Variants in RBFOX1 observed in about 807,000 individuals in gnomAD.
RBFOX1 encodes RNA binding protein fox-1 homolog 1.
In RBFOX1, 8 loss-of-function variants were observed where a neutral mutation model predicts 57.7. The ratio of observed to expected loss-of-function variants is 0.14; its 90% CI spans 0.08 to 0.25. RBFOX1 has a LOEUF of 0.25. RBFOX1 is among the 10% of genes least tolerant of loss of function. The pLI, the probability that RBFOX1 is intolerant of heterozygous loss-of-function variation, is 1.00. For synonymous variants in RBFOX1, 326 were observed against 222.4 expected, an observed-to-expected ratio of 1.47 and a Z score of -4.15; for missense variants, 611 against 548.5, an observed-to-expected ratio of 1.11 and a Z score of -1.14.
At chr16:5,951,827 T>C (rs1427741468) in intron 4 of RBFOX1, among the ~76,000 whole-genome samples, 1 of 151,972 alleles carries the variant, frequency 6.6e-6, no homozygotes, top group African/African-American at 2.4e-5. Flanking sequence ...TTCTGGATTT[T>C]GCATTTTCCA....
chr16:6,513,418 C>T (rs1055818389), intron 2 of RBFOX1, among the ~76,000 whole-genome samples: 2 of 152,118 alleles, frequency 1.3e-5, no homozygotes, highest in Admixed American at 1.3e-4. Flanking sequence ...GCACATTGGA[C>T]TCATGACTCT....
intron 1 of RBFOX1, among the ~76,000 whole-genome samples, chr16:5,285,211 C>A (rs374754835): frequency 3.9e-5 from 6 of 152,174 alleles, no homozygotes; most frequent in Non-Finnish European, 4.4e-5. Context: ...TTCAGAAATT[C>A]TTTGTTTTGC....
chr16:7,146,580 G>A (rs914455167), intron 4 of RBFOX1, among the ~76,000 whole-genome samples: 2 of 152,068 alleles, frequency 1.3e-5, no homozygotes, highest in Non-Finnish European at 2.9e-5. Context: ...TTGAAACAAA[G>A]CAAGAAGAAT....
chr16:7,292,514 A>G (rs144557961), intron 4 of RBFOX1, among the ~76,000 whole-genome samples: 24 of 118,994 alleles, frequency 2.0e-4, no homozygotes, highest in Non-Finnish European at 3.5e-4. Context: ...TATAAAATAT[A>G]TATAATACTA....
At position 6,417,898 on chromosome 16, in the gene RBFOX1, C is replaced by T. The variant is rs147002578; in HGVS notation, c.-64+100841C>T. 5.3e-5 allele frequency among the ~76,000 whole-genome samples: 8 copies of T among 152,078 alleles called. No individual in the cohort carries two copies. In the East Asian group the frequency reaches 1.5e-3, roughly 29 times the overall value. On this transcript the variant is annotated intron_variant, in intron 2 of 15. Transcript: ENST00000550418. Reference sequence around the variant, plus strand: ...AGAAAGCAAAAGACAGAACTTTCTTCTGAGAAAGGATGTATGTTTTCCCTT... The same window carrying T: ...AGAAAGCAAAAGACAGAACTTTCTTTTGAGAAAGGATGTATGTTTTCCCTT...
At chr16:7,642,302 C>G (rs1435850779) in intron 11 of RBFOX1, among the ~76,000 whole-genome samples, 3 of 152,128 alleles carry the variant, frequency 2.0e-5, no homozygotes, top group African/African-American at 7.2e-5. Context: ...GGGCATTGAT[C>G]AAAGGATCAG....
At chr16:7,599,376 A>T (rs1378722634) in intron 9 of RBFOX1, among the ~76,000 whole-genome samples, 1 of 152,252 alleles carries the variant, frequency 6.6e-6, no homozygotes, top group Non-Finnish European at 1.5e-5. Flanking sequence ...CAAATATTTC[A>T]TAAGCCATGT....
chr16:6,663,867 A>C (rs2098716129), intron 3 of RBFOX1, among the ~76,000 whole-genome samples: 1 of 152,200 alleles, frequency 6.6e-6, no homozygotes, highest in Admixed American at 6.5e-5. Context: ...TGAGCATGGC[A>C]TGACTAAGGA....
At chr16:7,362,320 GTATGTTT>G (rs2097341975) in intron 4 of RBFOX1, among the ~76,000 whole-genome samples, 1 of 151,272 alleles carries the variant, frequency 6.6e-6, no homozygotes, top group Non-Finnish European at 1.5e-5. Flanking sequence ...GTGTGTGTGT[GTATGTTT>G]TGTGTGTATG....
intron 4 of RBFOX1, among the ~76,000 whole-genome samples, chr16:7,376,819 A>G (rs919442805): frequency 6.6e-6 from 1 of 152,172 alleles, no homozygotes; most frequent in Non-Finnish European, 1.5e-5. Flanking sequence ...AGAGATGGGG[A>G]GAATTCAGAG....
At chr16:5,495,927 G>A (rs1013397154) in intron 2 of RBFOX1, among the ~76,000 whole-genome samples, 3 of 152,102 alleles carry the variant, frequency 2.0e-5, no homozygotes, top group East Asian at 1.9e-4. Flanking sequence ...GGAGTTTGAG[G>A]CCATCCTGGC....
intron 2 of RBFOX1, among the ~76,000 whole-genome samples, chr16:5,531,852 A>G (rs2044491006): frequency 6.7e-6 from 1 of 149,826 alleles, no homozygotes; most frequent in African/African-American, 2.5e-5. Context: ...CCCAGGCTGA[A>G]GTGCAGTGGT....
At chr16:5,836,673 T>G (rs1457479978) in intron 3 of RBFOX1, among the ~76,000 whole-genome samples, 4 of 152,130 alleles carry the variant, frequency 2.6e-5, no homozygotes, top group Admixed American at 2.0e-4. Flanking sequence ...TATTCTTTGT[T>G]GCGGGGGAGC....
chr16:7,135,521 C>T (rs1268601376), intron 4 of RBFOX1, among the ~76,000 whole-genome samples: 4 of 152,200 alleles, frequency 2.6e-5, no homozygotes, highest in Admixed American at 2.6e-4. Context: ...GAAAAAGAGA[C>T]AGAGCAATAA....
At chr16:5,488,503 GTGA>G (rs1024239317) in intron 2 of RBFOX1, among the ~76,000 whole-genome samples, 8 of 145,560 alleles carry the variant, frequency 5.5e-5, no homozygotes, top group Non-Finnish European at 1.1e-4. Flanking sequence ...GAGGATTATA[GTGA>G]TGATGGTGAT....
chr16:5,366,010 T>A (rs148090277), intron 1 of RBFOX1: 30 of 497,628 alleles, frequency 6.0e-5, no homozygotes, highest in African/African-American at 5.8e-4. Flanking sequence ...GCAGTCCAAT[T>A]AAAGTAACAC....
At chr16:6,418,872 C>G (rs950649989) in intron 2 of RBFOX1, among the ~76,000 whole-genome samples, 9 of 152,122 alleles carry the variant, frequency 5.9e-5, no homozygotes, top group African/African-American at 1.9e-4. Context: ...GGGGCTTTCT[C>G]CCTGAGTATT....
At chr16:5,680,976 G>T (rs971294626) in intron 3 of RBFOX1, among the ~76,000 whole-genome samples, 1 of 152,000 alleles carries the variant, frequency 6.6e-6, no homozygotes, top group East Asian at 1.9e-4. Flanking sequence ...ACCAACTTGA[G>T]ATGTTTTAAG....
intron 2 of RBFOX1, among the ~76,000 whole-genome samples, chr16:6,381,831 C>T (rs1420699725): frequency 6.6e-6 from 1 of 152,232 alleles, no homozygotes; most frequent in Non-Finnish European, 1.5e-5. Flanking sequence ...ATCATGCATT[C>T]ACCTGGTCAG....
Sources: gnomAD v4.1 joint callset for allele counts (sites outside exome capture counted in the v4.1 genomes callset) on GRCh38, gnomAD v4.1.1 for gene constraint, MANE v1.5 for transcripts, NCBI Gene and HGNC (gene_info 2026-07-23, HGNC 2026-07-21) for gene names.